The following KCNJ6 variants were observed in gnomAD, a reference collection of about 807,000 sequenced individuals.
KCNJ6 encodes the protein potassium inwardly rectifying channel subfamily J member 6, also known as G protein-activated inward rectifier potassium channel 2.
A neutral mutation model predicts 34.2 loss-of-function variants in KCNJ6; 9 were observed. The observed-to-expected ratio is 0.26, with a 90% CI of 0.16 to 0.46. The LOEUF is 0.46. Among genes scored for constraint, KCNJ6 ranks in the 20% least tolerant of loss-of-function variants. KCNJ6 has a pLI of 1.00. For missense variants in KCNJ6, 236 were observed against 531.3 expected, an observed-to-expected ratio of 0.44 and a Z score of 5.46; for synonymous variants, 196 against 207.1, an observed-to-expected ratio of 0.95 and a Z score of 0.46.
Position 37,614,550 on chromosome 21 carries a change from G to C in KCNJ6, c.*10609C>G, listed in dbSNP as rs879103939. 2.0e-5 allele frequency: 3 copies of C among 148,522 alleles called. No individual in the cohort carries two copies. Among genetic ancestry groups the C allele is most frequent in the African/African-American group, 5.0e-5 (2 of 39,752 alleles). The allele number at this position is 148,522 out of a possible 1,614,324, so 9.2% of individuals were successfully genotyped here. Reference sequence around the variant, plus strand: ...TATGCATGTCTCTGTGTATGCGTGTGTGTGTATGCGTGTGTGTATGCATGT... The same window carrying C: ...TATGCATGTCTCTGTGTATGCGTGTCTGTGTATGCGTGTGTGTATGCATGT... On this transcript the variant is annotated 3_prime_UTR_variant, in exon 4 of 4. Coordinates refer to ENST00000609713, the MANE Select transcript of KCNJ6 (RefSeq NM_002240.5).
chr21:37,664,067 T>A (rs2054502548), intron 3 of KCNJ6, among the ~76,000 whole-genome samples: 2 of 152,172 alleles, frequency 1.3e-5, no homozygotes, highest in Admixed American at 6.5e-5. Context: ...AGAAGACTAA[T>A]AAAACACCAT....
At position 37,616,533 on chromosome 21, in the gene KCNJ6, A is replaced by G. The variant is rs920415259; in HGVS notation, c.*8626T>C. 1.4e-5 allele frequency: 2 copies of G among 144,078 alleles called. No homozygotes were observed. The highest frequency in any genetic ancestry group is 2.6e-5 in the African/African-American group (1 of 38,050). The allele number at this position is 144,078 out of a possible 1,614,324, so 8.9% of individuals were successfully genotyped here. A position where few individuals can be genotyped will look rare whatever the true frequency, so the allele number is the denominator to read the frequency against. The stretch of plus-strand genomic sequence containing the variant: ...CAGTTACCGGGCTGAGACCATGTAT[A>G]CGCCCAACCATCACTCATAGACTCT... On this transcript the variant is annotated 3_prime_UTR_variant, in exon 4 of 4. Transcript: ENST00000609713.
rs1173257278 is a variant in KCNJ6, at chr21:37,613,586, T to TA, written c.*11572dup. 1.3e-5 allele frequency: 2 copies of TA among 151,982 alleles called. No individual in the cohort carries two copies. The highest frequency in any genetic ancestry group is 2.4e-5 in the African/African-American group (1 of 41,432). 9.4% of individuals were successfully genotyped at this position (151,982 alleles called of 1,614,324 possible). On this transcript the variant is annotated 3_prime_UTR_variant, in exon 4 of 4. Coordinates refer to ENST00000609713, the MANE Select transcript of KCNJ6 (RefSeq NM_002240.5). ...CAGAAAATGGATGAGTGTTTGGTGC[T>TA]AAAAAAGTGAGCTCTCAAGCCATAA... is the stretch of plus-strand genomic sequence containing the variant.
At chr21:37,630,162 T>TGTGTGTGTGTGTGTGTGTGG (rs748374656) in intron 3 of KCNJ6, among the ~76,000 whole-genome samples, 1 of 64,484 alleles carries the variant, frequency 1.6e-5, no homozygotes, top group African/African-American at 5.7e-5. Flanking sequence ...GTGTGTGGTG[T>TGTGTGTGTGTGTGTGTGTGG]TTATGTTCCA....
intron 3 of KCNJ6, among the ~76,000 whole-genome samples, chr21:37,663,778 A>G (rs2054500987): frequency 6.6e-6 from 1 of 152,250 alleles, no homozygotes; most frequent in African/African-American, 2.4e-5. Context: ...CACCATCATA[A>G]TGACAGCTCT....
At position 37,625,423 on chromosome 21, in the gene KCNJ6, G is replaced by A; in HGVS notation, c.1008C>T (p.Phe336=). ...CGTCCTCCAGGGTCAGGACAGGTGT[G>A]AACCGGTAACCCCACAGGATCTCAC... ...ITSEILWGYR[F]TPVLTLEDGF... Residue 336 remains phenylalanine, a synonymous_variant, in exon 4 of 4, where the codon TTC becomes TTT. Coordinates refer to ENST00000609713, the MANE Select transcript of KCNJ6 (RefSeq NM_002240.5). The A allele has an allele frequency of 6.2e-7, 1 of 1,614,192 alleles. No individual in the cohort carries two copies. Among genetic ancestry groups the A allele is most frequent in the Non-Finnish European group, 8.5e-7 (1 of 1,180,018 alleles).
At chr21:37,818,457 A>C (rs533902896) in intron 2 of KCNJ6, among the ~76,000 whole-genome samples, 50 of 138,756 alleles carry the variant, frequency 3.6e-4, no homozygotes, top group Non-Finnish European at 5.1e-4. Flanking sequence ...AGCTAGCGGC[A>C]CCCGAATGAT....
At chr21:37,713,244 A>G (rs2054771905) in intron 3 of KCNJ6, among the ~76,000 whole-genome samples, 1 of 152,106 alleles carries the variant, frequency 6.6e-6, no homozygotes, top group Admixed American at 6.5e-5. Flanking sequence ...GACAATATAA[A>G]CCACCTGAAT....
At chr21:37,698,481 T>G (rs971431772) in intron 3 of KCNJ6, among the ~76,000 whole-genome samples, 2 of 152,266 alleles carry the variant, frequency 1.3e-5, no homozygotes, top group Non-Finnish European at 1.5e-5. Context: ...CATTCCATAT[T>G]GTATTGTAAT....
At chr21:37,888,266 C>G (rs1050638966) in intron 1 of KCNJ6, among the ~76,000 whole-genome samples, 1 of 152,202 alleles carries the variant, frequency 6.6e-6, no homozygotes, top group Admixed American at 6.5e-5. Flanking sequence ...CTACTGCTCC[C>G]ACATCATTCT....
chr21:37,796,857 A>C (rs2055245606), intron 2 of KCNJ6, among the ~76,000 whole-genome samples: 1 of 130,942 alleles, frequency 7.6e-6, no homozygotes. Flanking sequence ...GCAGTGGCGC[A>C]ACCTCGGCTC....
At position 37,607,532 on chromosome 21, in the gene KCNJ6, A is replaced by G. The variant is rs1045719045; in HGVS notation, c.*17627T>C. The stretch of plus-strand genomic sequence containing the variant: ...TGGCATTGTAGTGATTTCTCAATAC[A>G]TAATTTGTGCTTTCGCATTGAGCAT... On this transcript the variant is annotated 3_prime_UTR_variant, in exon 4 of 4. Coordinates refer to ENST00000609713, the MANE Select transcript of KCNJ6 (RefSeq NM_002240.5). 1.4e-4 allele frequency: 21 copies of G among 148,922 alleles called. No homozygotes were observed. The highest frequency in any genetic ancestry group is 1.6e-4 in the Non-Finnish European group (11 of 67,560). The allele number at this position is 148,922 out of a possible 1,614,324, so 9.2% of individuals were successfully genotyped here.
rs548590702 is a variant in KCNJ6 at position 37,625,885 on chromosome 21, G to A, written c.947-401C>T. Among the ~76,000 whole-genome samples the A allele has an allele frequency of 1.7e-3, 256 of 152,340 alleles. 1 individual carries two copies. The highest frequency in any genetic ancestry group is 6.0e-3 in the African/African-American group (249 of 41,580). On this transcript the variant is annotated intron_variant, in intron 3 of 3. Coordinates refer to ENST00000609713, the MANE Select transcript of KCNJ6 (RefSeq NM_002240.5). Reference sequence around the variant, plus strand: ...GGAGGTTTAGCCTGGGTTCTAATGGGATTTGAGCTCTTTGGCCACAGACTT... The same window carrying A: ...GGAGGTTTAGCCTGGGTTCTAATGGAATTTGAGCTCTTTGGCCACAGACTT...
intron 3 of KCNJ6, among the ~76,000 whole-genome samples, chr21:37,647,187 A>G (rs1395663038): frequency 2.0e-5 from 3 of 152,156 alleles, no homozygotes; most frequent in Non-Finnish European, 4.4e-5. Context: ...TGCATGGGCT[A>G]TTATTGGTAT....
chr21:37,760,255 T>C (rs374313909), intron 2 of KCNJ6, among the ~76,000 whole-genome samples: 91 of 152,320 alleles, frequency 6.0e-4, no homozygotes, highest in African/African-American at 2.1e-3. Context: ...GCATATTAGG[T>C]AGCAATGGAG....
intron 1 of KCNJ6, among the ~76,000 whole-genome samples, chr21:37,869,754 C>G (rs148227971): frequency 2.0e-5 from 3 of 152,326 alleles, no homozygotes; most frequent in Admixed American, 2.0e-4. Flanking sequence ...GTAGCAAAAT[C>G]CTATTTAGGC....
intron 2 of KCNJ6, among the ~76,000 whole-genome samples, chr21:37,739,628 T>C (rs1343940507): frequency 1.3e-5 from 2 of 152,226 alleles, no homozygotes; most frequent in Non-Finnish European, 2.9e-5. Context: ...GCTGGTTCAA[T>C]TGTTTTTCAT....
intron 2 of KCNJ6, among the ~76,000 whole-genome samples, chr21:37,837,473 G>A (rs1485261506): frequency 6.6e-6 from 1 of 152,168 alleles, no homozygotes; most frequent in Non-Finnish European, 1.5e-5. Flanking sequence ...CCTCTTCCCT[G>A]CTCTAGAAGA....
intron 3 of KCNJ6, among the ~76,000 whole-genome samples, chr21:37,685,775 A>C (rs2054612478): frequency 6.7e-6 from 1 of 149,076 alleles, no homozygotes; most frequent in South Asian, 2.2e-4. Flanking sequence ...AAAGCTGTCT[A>C]TAATATTCTC....
Sources: allele counts gnomAD v4.1 joint callset (sites outside exome capture counted in the v4.1 genomes callset), GRCh38; gene constraint gnomAD v4.1.1; transcripts MANE v1.5; gene names NCBI Gene and HGNC (gene_info 2026-07-23, HGNC 2026-07-21).